Variants in DYM observed in about 807,000 individuals in gnomAD.
DYM encodes dymeclin, also known as dyggve-Melchior-Clausen syndrome protein.
In DYM, 78 loss-of-function variants were observed where a neutral mutation model predicts 93.1. The ratio of observed to expected loss-of-function variants is 0.84; its 90% CI spans 0.70 to 1.01. The LOEUF (loss-of-function observed/expected upper bound fraction) is 1.01, where lower values mean the gene tolerates loss of function less well. Among genes scored for constraint, DYM ranks in the 50% least tolerant of loss-of-function variants. The probability of loss-of-function intolerance (pLI) is 0.00; values close to 1 mark genes in which losing one functional copy is unlikely to be tolerated. For synonymous variants in DYM, 321 were observed against 319.7 expected (o/e 1.00, Z -0.04); for missense variants, 789 against 845.0 (o/e 0.93, Z 0.82).
intron 8 of DYM, among the ~76,000 whole-genome samples, chr18:49,312,616 C>T (rs1296663080): frequency 6.6e-6 from 1 of 152,134 alleles, no homozygotes; most frequent in Admixed American, 6.6e-5. Flanking sequence ...TCTTCTCTGC[C>T]CTCCGCACCC....
chr18:49,080,444 T>C, intron 17 of DYM, among the ~76,000 whole-genome samples: 1 of 121,406 alleles, frequency 8.2e-6, no homozygotes, highest in Non-Finnish European at 1.7e-5. Flanking sequence ...GGCTCCTCAC[T>C]TCCCAGTAGG....
At chr18:49,177,394 C>T (rs1457979237) in intron 14 of DYM, among the ~76,000 whole-genome samples, 4 of 152,144 alleles carry the variant, frequency 2.6e-5, no homozygotes, top group Non-Finnish European at 5.9e-5. Flanking sequence ...TACGTTATAA[C>T]ACAATTGATA....
chr18:49,360,617 T>C (rs1319471617), intron 6 of DYM, among the ~76,000 whole-genome samples: 3 of 149,504 alleles, frequency 2.0e-5, no homozygotes, highest in African/African-American at 7.4e-5. Flanking sequence ...GTAAGATCCA[T>C]CTCAAAAAAA....
At chr18:49,270,443 TGAG>T (rs2094665417) in intron 11 of DYM, among the ~76,000 whole-genome samples, 1 of 151,948 alleles carries the variant, frequency 6.6e-6, no homozygotes, top group Non-Finnish European at 1.5e-5. Context: ...TGTGAGAAAA[TGAG>T]GAGATATAGG....
intron 6 of DYM, among the ~76,000 whole-genome samples, chr18:49,338,386 T>C (rs1425714204): frequency 6.6e-6 from 1 of 152,292 alleles, no homozygotes; most frequent in Non-Finnish European, 1.5e-5. Flanking sequence ...ACAACCAAAA[T>C]TCTCACTCGA....
At chr18:49,122,944 A>G (rs1405626973) in intron 15 of DYM, among the ~76,000 whole-genome samples, 3 of 152,326 alleles carry the variant, frequency 2.0e-5, no homozygotes, top group Non-Finnish European at 4.4e-5. Context: ...TCCAGTATAG[A>G]TCACTGTTGC....
chr18:49,384,723 C>T (rs1297546136), intron 3 of DYM, among the ~76,000 whole-genome samples: 1 of 147,904 alleles, frequency 6.8e-6, no homozygotes, highest in African/African-American at 2.5e-5. Flanking sequence ...ACAGCTAAAA[C>T]ATACACTACA....
intron 16 of DYM, among the ~76,000 whole-genome samples, chr18:49,106,924 C>T: frequency 6.6e-6 from 1 of 152,150 alleles, no homozygotes; most frequent in Non-Finnish European, 1.5e-5. Flanking sequence ...GTGGCGTTCT[C>T]TGTATTTCCT....
intron 13 of DYM, among the ~76,000 whole-genome samples, chr18:49,217,476 A>G (rs7229054): frequency 0.63 from 95,622 of 151,780 alleles, 31,336 homozygotes; most frequent in Non-Finnish European, 0.74. Flanking sequence ...GTTGAAATGA[A>G]GGAAAAAATG....
In DYM at chr18:49,427,574, T is replaced by C. The variant is rs531024968; in HGVS notation, c.140+2681A>G. Among the ~76,000 whole-genome samples, 276 of 151,104 alleles carry C rather than the reference T, an allele frequency of 1.8e-3. 1 individual carries two copies. Among genetic ancestry groups the C allele is most frequent in the Non-Finnish European group, 3.4e-3 (233 of 67,808 alleles). The stretch of plus-strand genomic sequence containing the variant: ...TTAATTTTGTGAGGTGTGATAATGG[T>C]ATTATGGTTATGTAAAAAAAAAGAC... On this transcript the variant is annotated intron_variant, in intron 2 of 17. Coordinates refer to ENST00000675505, the MANE Select transcript of DYM (RefSeq NM_001353214.3).
intron 1 of DYM, among the ~76,000 whole-genome samples, chr18:49,458,818 G>A (rs112612487): frequency 2.6e-5 from 4 of 152,220 alleles, no homozygotes; most frequent in African/African-American, 7.2e-5. Context: ...CAGCCTGAAT[G>A]ACAGAGCGAG....
At chr18:49,374,707 C>T (rs2067328935) in intron 5 of DYM, among the ~76,000 whole-genome samples, 1 of 152,138 alleles carries the variant, frequency 6.6e-6, no homozygotes, top group Admixed American at 6.6e-5. Flanking sequence ...ACCTGTAATC[C>T]CAGCACTTTG....
chr18:49,265,016 A>T (rs766737072), intron 11 of DYM, among the ~76,000 whole-genome samples: 1 of 152,212 alleles, frequency 6.6e-6, no homozygotes, highest in Non-Finnish European at 1.5e-5. Context: ...CATGCTCATT[A>T]AATGCTTACC....
intron 13 of DYM, among the ~76,000 whole-genome samples, chr18:49,256,627 G>C (rs748138296): frequency 1.3e-5 from 2 of 152,146 alleles, no homozygotes; most frequent in African/African-American, 4.8e-5. Context: ...TAATACACGG[G>C]TGAACTGCTA....
At chr18:49,458,660 G>T (rs1196697869) in intron 1 of DYM, among the ~76,000 whole-genome samples, 1 of 151,932 alleles carries the variant, frequency 6.6e-6, no homozygotes, top group East Asian at 1.9e-4. Flanking sequence ...AACATGATGA[G>T]ACCCCCGTCT....
intron 1 of DYM, among the ~76,000 whole-genome samples, chr18:49,448,954 G>A (rs1016412810): frequency 6.6e-6 from 1 of 152,292 alleles, no homozygotes; most frequent in South Asian, 2.1e-4. Flanking sequence ...AACTTCTGGG[G>A]AAATCATCTG....
chr18:49,180,622 T>C (rs940713772), intron 14 of DYM, among the ~76,000 whole-genome samples: 2 of 152,308 alleles, frequency 1.3e-5, no homozygotes, highest in South Asian at 2.1e-4. Flanking sequence ...ATAATATTTA[T>C]GGATACCAAT....
Position 49,354,548 on chromosome 18 carries a change from T to C in DYM, c.494+8613A>G, listed in dbSNP as rs532949376. Among the ~76,000 whole-genome samples, 8 of 152,172 alleles carry C rather than the reference T, an allele frequency of 5.3e-5. No homozygotes were observed. In the South Asian group the frequency reaches 1.7e-3, roughly 32 times the overall value. On this transcript the variant is annotated intron_variant, in intron 6 of 17. Transcript: ENST00000675505. ...CACTTGCAGAAGACATATCTGATAATGGATTGTTATCTAAAATATACAAAG... is the reference window on the plus strand; with the variant it reads ...CACTTGCAGAAGACATATCTGATAACGGATTGTTATCTAAAATATACAAAG...
chr18:49,273,775 G>A (rs1394267601), intron 10 of DYM, among the ~76,000 whole-genome samples: 4 of 150,332 alleles, frequency 2.7e-5, no homozygotes, highest in South Asian at 4.2e-4. Context: ...TTCTCAGAAC[G>A]CCTCCCCACA....
Sources: allele counts gnomAD v4.1 joint callset (sites outside exome capture counted in the v4.1 genomes callset), GRCh38; gene constraint gnomAD v4.1.1; transcripts MANE v1.5; gene names NCBI Gene and HGNC (gene_info 2026-07-23, HGNC 2026-07-21).